Variants in TDRD12 observed in about 807,000 individuals in gnomAD.
The protein encoded by TDRD12 is putative ATP-dependent RNA helicase TDRD12.
In TDRD12, 158 loss-of-function variants were observed where a neutral mutation model predicts 133.5. The ratio of observed to expected loss-of-function variants is 1.18; its 90% CI spans 1.04 to 1.35. The LOEUF is 1.35. TDRD12 is among the 40% of genes most tolerant of loss of function. TDRD12 has a pLI of 0.00. For synonymous variants in TDRD12, 460 were observed against 477.9 expected, an observed-to-expected ratio of 0.96 and a Z score of 0.49; for missense variants, 1,443 against 1,321.3, an observed-to-expected ratio of 1.09 and a Z score of -1.43.
chr19:32,808,595 C>G lies in TDRD12; in HGVS notation c.2652+947C>G, dbSNP rs1966895843. On this transcript the variant is annotated intron_variant, in intron 22 of 27. Transcript: ENST00000444215. ...TCTCCCAGTCTGCAGACTTCACTAC[C>G]TCTGCAAAGACCCTGTTTTCAAGTC... is the stretch of plus-strand genomic sequence containing the variant. Among the ~76,000 whole-genome samples, 6 of 152,214 alleles carry G rather than the reference C, an allele frequency of 3.9e-5. No individual in the cohort carries two copies. In the South Asian group the frequency reaches 1.2e-3, roughly 32 times the overall value.
intron 14 of TDRD12, 93 bp downstream of exon 14, chr19:32,794,906 T>C (rs1391820479): frequency 1.6e-6 from 1 of 625,520 alleles, no homozygotes; most frequent in Non-Finnish European, 2.9e-6. Flanking sequence ...CGTCTATTAC[T>C]CAGTTTGGTT....
Position 32,731,752 on chromosome 19 carries a change from A to G in TDRD12, c.52A>G (p.Ile18Val). Residue 18 changes from isoleucine to valine, a missense_variant, in exon 2 of 28, where the codon ATT becomes GTT. Physicochemically the swap from Ile to Val is conservative, Grantham distance 29 (BLOSUM62 3). Coordinates refer to ENST00000444215, the Ensembl canonical transcript of TDRD12. Reference sequence around the variant, plus strand: ...TGAAGATCCAGGTTGCTTCTGGGTTATTATAAAAGGGTGTAGTCCCTTTTT... The same window carrying G: ...TGAAGATCCAGGTTGCTTCTGGGTTGTTATAAAAGGGTGTAGTCCCTTTTT... 4 of 1,545,342 alleles carry G rather than the reference A, an allele frequency of 2.6e-6. No homozygotes were observed. In the South Asian group the frequency reaches 3.7e-5, roughly 14 times the overall value.
chr19:32,744,686 C>G (rs543570447), intron 4 of TDRD12, among the ~76,000 whole-genome samples: 67 of 152,094 alleles, frequency 4.4e-4, no homozygotes, highest in Middle Eastern at 6.8e-3. Flanking sequence ...CTCTCGGGTG[C>G]GGGCGCCATG....
chr19:32,816,617 T>C (rs1050096496), intron 26 of TDRD12, among the ~76,000 whole-genome samples: 1 of 152,220 alleles, frequency 6.6e-6, no homozygotes, highest in African/African-American at 2.4e-5. Context: ...TTTACAAATA[T>C]ATACACTTAC....
chr19:32,781,208 C>T (rs1360642023), intron 11 of TDRD12, among the ~76,000 whole-genome samples: 2 of 152,164 alleles, frequency 1.3e-5, no homozygotes, highest in Non-Finnish European at 2.9e-5. Flanking sequence ...CTCCCAAGTG[C>T]TGGGATTACA....
At chr19:32,737,786 A>G (rs1969268930) in intron 2 of TDRD12, among the ~76,000 whole-genome samples, 1 of 152,200 alleles carries the variant, frequency 6.6e-6, no homozygotes, top group Non-Finnish European at 1.5e-5. Context: ...CATGTCATCA[A>G]GGAGCCAGCG....
chr19:32,777,091 C>A, intron 10 of TDRD12, 58 bp from the exon 11 acceptor site: 1 of 1,107,870 alleles, frequency 9.0e-7, no homozygotes. Context: ...TGGGGACTCA[C>A]TGTGTTGCCC....
exon 21 of TDRD12, chr19:32,803,010 G>T: frequency 6.5e-7 from 1 of 1,536,058 alleles, no homozygotes; most frequent in South Asian, 1.2e-5. Flanking sequence ...GGCGTCCTGC[G>T]CTACTTGGAG....
chr19:32,719,932 CG>C (rs1326828695), exon 1 of TDRD12: 21 of 1,081,006 alleles, frequency 1.9e-5, no homozygotes, highest in Middle Eastern at 2.8e-4. Context: ...GCACCTGCCG[CG>C]GGGGGCCCAG....
chr19:32,742,746 C>T (rs1244185497), intron 3 of TDRD12, 35 bp from the exon 4 acceptor site: 1 of 1,536,178 alleles, frequency 6.5e-7, no homozygotes, highest in African/African-American at 1.4e-5. Flanking sequence ...ATATAATTTT[C>T]TATATAATGG....
intron 1 of TDRD12, among the ~76,000 whole-genome samples, chr19:32,727,804 G>A (rs1968907980): frequency 6.6e-6 from 1 of 152,146 alleles, no homozygotes; most frequent in Admixed American, 6.6e-5. Flanking sequence ...GAGTAGCTGG[G>A]ATTACGGGCA....
At chr19:32,823,893 GCA>G (rs1967494359), downstream of TDRD12, among the ~76,000 whole-genome samples, 1 of 152,220 alleles carries the variant, frequency 6.6e-6, no homozygotes, top group African/African-American at 2.4e-5. Context: ...CGGCCCATTT[GCA>G]CTTTGCATAG....
At chr19:32,747,449 A>C (rs1257925240) in intron 4 of TDRD12, among the ~76,000 whole-genome samples, 1 of 152,130 alleles carries the variant, frequency 6.6e-6, no homozygotes, top group Non-Finnish European at 1.5e-5. Flanking sequence ...TATGTACATT[A>C]TCTCATTTGA....
chr19:32,757,607 T>A (rs1474093695), intron 8 of TDRD12, among the ~76,000 whole-genome samples: 1 of 152,232 alleles, frequency 6.6e-6, no homozygotes, highest in Non-Finnish European at 1.5e-5. Context: ...TGGTGGTTCC[T>A]CCACCATTTC....
At chr19:32,784,643 A>G (rs551903500) in intron 11 of TDRD12, among the ~76,000 whole-genome samples, 143 of 152,228 alleles carry the variant, frequency 9.4e-4, no homozygotes, top group African/African-American at 3.2e-3. Flanking sequence ...TTGGCAGGCT[A>G]TTACAGCCTC....
intron 15 of TDRD12, 55 bp from the exon 16 acceptor site, chr19:32,798,253 A>G: frequency 6.7e-7 from 1 of 1,502,342 alleles, no homozygotes; most frequent in Non-Finnish European, 8.9e-7. Context: ...AGCAGAGGAA[A>G]TCTTAGAAAA....
intron 14 of TDRD12, among the ~76,000 whole-genome samples, chr19:32,796,582 T>C (rs1372297435): frequency 6.9e-6 from 1 of 145,442 alleles, no homozygotes; most frequent in Non-Finnish European, 1.5e-5. Context: ...CCAAACTCCA[T>C]CTCAAAAAAA....
chr19:32,797,560 A>G (rs773080226), intron 14 of TDRD12, among the ~76,000 whole-genome samples, 175 bp from the exon 15 acceptor site: 8 of 152,192 alleles, frequency 5.3e-5, no homozygotes, highest in Non-Finnish European at 8.8e-5. Flanking sequence ...ATATGACTCA[A>G]TGTGTCTAAA....
chr19:32,765,637 G>A (rs1329946587), intron 8 of TDRD12, among the ~76,000 whole-genome samples: 1 of 147,986 alleles, frequency 6.8e-6, no homozygotes, highest in African/African-American at 2.5e-5. Context: ...CTATCGCAAG[G>A]ACAAAAAACC....
Sources: allele counts gnomAD v4.1 joint callset (sites outside exome capture counted in the v4.1 genomes callset), GRCh38; gene constraint gnomAD v4.1.1; transcripts MANE v1.5; gene names NCBI Gene and HGNC (gene_info 2026-07-23, HGNC 2026-07-21).